Variants in FEZ1 observed in about 807,000 individuals in gnomAD.
FEZ1 encodes the protein fasciculation and elongation protein zeta 1.
FEZ1 carries 20 observed loss-of-function variants against 49.3 expected under a neutral mutation model. The observed-to-expected ratio is 0.41, with a 90% confidence interval of 0.29 to 0.59. The LOEUF (loss-of-function observed/expected upper bound fraction) is 0.59, where lower values mean the gene tolerates loss of function less well. FEZ1 is among the 20% of genes least tolerant of loss of function. FEZ1 has a pLI of 0.36. For synonymous variants in FEZ1, 170 were observed against 180.9 expected (o/e 0.94, Z 0.48); for missense variants, 413 against 476.0 (o/e 0.87, Z 1.23).
At chr11:125,479,088 C>T (rs921576646) in intron 3 of FEZ1, among the ~76,000 whole-genome samples, 12 of 152,196 alleles carry the variant, frequency 7.9e-5, no homozygotes, top group African/African-American at 2.9e-4. Flanking sequence ...GAGACACAGC[C>T]TCCTATGTCT....
chr11:125,481,050 A>G (rs1293139096), intron 3 of FEZ1, among the ~76,000 whole-genome samples: 2 of 152,026 alleles, frequency 1.3e-5, no homozygotes, highest in African/African-American at 4.8e-5. Context: ...AAAAAAGAAA[A>G]AAAAAAAAAG....
At chr11:125,469,666 C>T (rs976891455) in intron 3 of FEZ1, among the ~76,000 whole-genome samples, 11 of 151,872 alleles carry the variant, frequency 7.2e-5, no homozygotes, top group Middle Eastern at 3.4e-3. Flanking sequence ...TAAGCTCAAG[C>T]GATTCTCTAG....
At chr11:125,488,754 A>C in intron 2 of FEZ1, 1 of 985,396 alleles carries the variant, frequency 1.0e-6, no homozygotes, top group Non-Finnish European at 1.2e-6. Flanking sequence ...ATTTTTACTA[A>C]ATGCCTAAGA....
At chr11:125,453,079 T>C (rs11220080) in intron 7 of FEZ1, 21,109 of 152,088 alleles carry the variant, frequency 0.14, 1,588 homozygotes, top group East Asian at 0.28. Context: ...TGCCTCAGCC[T>C]CCCAAGTAGC....
rs1956876965 is a variant in FEZ1 at position 125,444,206 on chromosome 11, T to G, written c.*1889A>C. ...CTCTGCTCTGGGCAGATGCCTGGAC[T>G]AGAGCTTTAGGCATTGCAGCAGTTT... On this transcript the variant is annotated 3_prime_UTR_variant, in exon 10 of 10. Coordinates refer to ENST00000278919, the MANE Select transcript of FEZ1 (RefSeq NM_005103.5). Among the ~76,000 whole-genome samples the G allele has an allele frequency of 6.6e-6, 1 of 152,188 alleles. No homozygotes were observed. The highest frequency in any genetic ancestry group is 1.5e-5 in the Non-Finnish European group (1 of 68,024).
chr11:125,483,036 C>A (rs1957298618), intron 2 of FEZ1, among the ~76,000 whole-genome samples: 1 of 141,156 alleles, frequency 7.1e-6, no homozygotes, highest in Non-Finnish European at 1.5e-5. Context: ...AATTAGGGCT[C>A]TATGCTGCAC....
rs1321034596 is a variant in FEZ1, at chr11:125,448,565, G to C, written c.1099C>G (p.Leu367Val). 1 of 1,606,820 alleles carries C rather than the reference G, an allele frequency of 6.2e-7. No individual in the cohort carries two copies. Among genetic ancestry groups the C allele is most frequent in the East Asian group, 2.2e-5 (1 of 44,836 alleles). ...VEDLQMLTNI[L>V]FAMKEDNEKV... Reference sequence around the variant, plus strand: ...TCATTATCCTCCTTCATGGCAAAGAGAACTAGGAAAGGAGACAGAGAGAGG... The same window carrying C: ...TCATTATCCTCCTTCATGGCAAAGACAACTAGGAAAGGAGACAGAGAGAGG... The change falls in exon 9 of 10, where the codon CTC becomes GTC. Residue 367 changes from leucine to valine, a missense_variant and splice_region_variant. Leu to Val is a conservative substitution (Grantham distance 32). Coordinates refer to ENST00000278919, the MANE Select transcript of FEZ1 (RefSeq NM_005103.5).
rs904913930 is a variant in FEZ1, at chr11:125,445,086, CCTGCTGGTTGGTCAAGGCTGG to C, written c.*988_*1008del. On this transcript the variant is annotated 3_prime_UTR_variant, in exon 10 of 10. Coordinates refer to ENST00000278919, the MANE Select transcript of FEZ1 (RefSeq NM_005103.5). The surrounding 1 kb of genome is among the most constrained non-coding windows in gnomAD (Gnocchi z 4.4). ...CATCCGGGATACGAGGAGACCTTCG[CCTGCTGGTTGGTCAAGGCTGG>C]CAGCTGCCTGCCATCAATGCTGGAG... Among the ~76,000 whole-genome samples the C allele has an allele frequency of 2.6e-5, 4 of 152,198 alleles. No homozygotes were observed. The highest frequency in any genetic ancestry group is 9.6e-5 in the African/African-American group (4 of 41,458).
intron 5 of FEZ1, among the ~76,000 whole-genome samples, chr11:125,458,307 G>A (rs910384606): frequency 2.0e-5 from 3 of 152,180 alleles, no homozygotes; most frequent in Admixed American, 1.3e-4. Flanking sequence ...GGCCCCTTCT[G>A]CAGCGTGGGC....
At position 125,495,990 on chromosome 11, in the gene FEZ1, C is replaced by T. The variant is rs1957466329; in HGVS notation, c.-46+131G>A. ...GTTCCTTTCTAATCCCAGAATGGGA[C>T]CAGGTGAGGGGAGCTGCGGCGACCC... On this transcript the variant is annotated intron_variant, in intron 1 of 9. Coordinates refer to ENST00000278919, the MANE Select transcript of FEZ1 (RefSeq NM_005103.5). This position sits in a 1 kb window ranked among gnomAD's most constrained non-coding sequence, Gnocchi z 4.2. 1 of 213,656 alleles carries T rather than the reference C, an allele frequency of 4.7e-6. No individual in the cohort carries two copies. Among genetic ancestry groups the T allele is most frequent in the Non-Finnish European group, 9.3e-6 (1 of 107,528 alleles). 13.2% of individuals were successfully genotyped at this position (213,656 alleles called of 1,614,324 possible).
Position 125,489,882 on chromosome 11 carries a change from A to ACC in FEZ1, c.-45-61_-45-60insGG. The ACC allele has an allele frequency of 7.3e-7, 1 of 1,368,628 alleles. No homozygotes were observed. The allele number at this position is 1,368,628 out of a possible 1,614,324, so 84.8% of individuals were successfully genotyped here. ...CCAGGCTAATCTAAATAATAGAGTT[A>ACC]ACTTTAGAGACACACCTGCTTCCAA... On this transcript the variant is annotated intron_variant, in intron 1 of 9. Transcript: ENST00000278919. The surrounding 1 kb of genome is among the most constrained non-coding windows in gnomAD (Gnocchi z 4.2).
At chr11:125,482,049 G>A (rs952669462) in intron 2 of FEZ1, among the ~76,000 whole-genome samples, 9 of 152,150 alleles carry the variant, frequency 5.9e-5, no homozygotes, top group African/African-American at 2.2e-4. Flanking sequence ...GAAAGGGAGA[G>A]AGAGAGAGAG....
In FEZ1 at chr11:125,489,712, G is replaced by C; in HGVS notation, c.66C>G (p.Asp22Glu). Residue 22 changes from aspartate to glutamate, a missense_variant, in exon 2 of 10, where the codon GAC becomes GAG. Transcript: ENST00000278919. The surrounding 1 kb of genome is among the most constrained non-coding windows in gnomAD (Gnocchi z 4.2). Reference sequence around the variant, plus strand: ...AGAAACACTGGGGCTTCTCCTCCGGGTCCTCCGAGCAGGAGGGTCGAAGGT... The same window carrying C: ...AGAAACACTGGGGCTTCTCCTCCGGCTCCTCCGAGCAGGAGGGTCGAAGGT... ...FEDLRPSCSEDPEEKPQCFYG... is the reference protein window; with the variant it reads ...FEDLRPSCSEEPEEKPQCFYG... 1 of 1,609,992 alleles carries C rather than the reference G, an allele frequency of 6.2e-7. No individual in the cohort carries two copies.
chr11:125,446,679 T>G (rs903034289), intron 9 of FEZ1, among the ~76,000 whole-genome samples: 5 of 151,964 alleles, frequency 3.3e-5, no homozygotes, highest in Non-Finnish European at 7.4e-5. Flanking sequence ...TTTTGTGGTT[T>G]GTTTGTTTGT....
At position 125,445,515 on chromosome 11, in the gene FEZ1, T is replaced by C. The variant is rs936872684; in HGVS notation, c.*580A>G. On this transcript the variant is annotated 3_prime_UTR_variant, in exon 10 of 10. Transcript: ENST00000278919. The surrounding 1 kb of genome is among the most constrained non-coding windows in gnomAD (Gnocchi z 4.4). The stretch of plus-strand genomic sequence containing the variant: ...CAGCCCCTGGTGCAGCTCCCTTGCA[T>C]GTGGCTGAGCAGCAAAAACTGAGGT... Among the ~76,000 whole-genome samples the C allele has an allele frequency of 1.3e-5, 2 of 152,214 alleles. No individual in the cohort carries two copies. The highest frequency in any genetic ancestry group is 6.5e-5 in the Admixed American group (1 of 15,288).
intron 3 of FEZ1, among the ~76,000 whole-genome samples, chr11:125,478,207 C>T (rs993439041): frequency 6.6e-5 from 10 of 152,170 alleles, no homozygotes; most frequent in Non-Finnish European, 1.3e-4. Context: ...CTTTGGGAGG[C>T]CAAGGCGGGT....
intron 3 of FEZ1, among the ~76,000 whole-genome samples, chr11:125,478,089 A>G (rs1328812614): frequency 6.6e-6 from 1 of 152,242 alleles, no homozygotes; most frequent in Non-Finnish European, 1.5e-5. Context: ...TATTTAATTA[A>G]ATTTCTTAGT....
chr11:125,448,701 A>G, intron 8 of FEZ1, 134 bp from the exon 9 acceptor site: 1 of 657,198 alleles, frequency 1.5e-6, no homozygotes, highest in South Asian at 1.8e-5. Context: ...GTATTGAGCA[A>G]AAGTCTAGAA....
chr11:125,470,587 A>G (rs1207514489), intron 3 of FEZ1, among the ~76,000 whole-genome samples: 1 of 152,208 alleles, frequency 6.6e-6, no homozygotes, highest in Non-Finnish European at 1.5e-5. Context: ...CTATGAGCCA[A>G]TTGTTTTCAG....
Sources: gnomAD v4.1 joint callset for allele counts (sites outside exome capture counted in the v4.1 genomes callset) on GRCh38, gnomAD v4.1.1 for gene constraint, Gnocchi (gnomAD v3.1) non-coding constraint, MANE v1.5 for transcripts, NCBI Gene and HGNC (gene_info 2026-07-23, HGNC 2026-07-21) for gene names.